Variants in LDLRAD3 observed in about 807,000 individuals in gnomAD.
LDLRAD3 encodes low-density lipoprotein receptor class A domain-containing protein 3.
LDLRAD3 carries 20 observed loss-of-function variants against 29.4 expected under a neutral mutation model. The ratio of observed to expected loss-of-function variants is 0.68; its 90% CI spans 0.48 to 0.99. The LOEUF is 0.99. Ranked by LOEUF, LDLRAD3 falls within the 50% of genes least tolerant of loss-of-function variation. The pLI is 0.00. For missense variants in LDLRAD3, 420 were observed against 454.3 expected, an observed-to-expected ratio of 0.92 and a Z score of 0.69; for synonymous variants, 157 against 192.7, an observed-to-expected ratio of 0.81 and a Z score of 1.53.
At chr11:36,131,242 C>T (rs955634326) in intron 4 of LDLRAD3, among the ~76,000 whole-genome samples, 1 of 152,218 alleles carries the variant, frequency 6.6e-6, no homozygotes, top group Admixed American at 6.5e-5. Context: ...TGCCTTTCCA[C>T]GCAAATGAAT....
intron 1 of LDLRAD3, among the ~76,000 whole-genome samples, chr11:36,013,383 G>A (rs1851979012): frequency 6.6e-6 from 1 of 152,034 alleles, no homozygotes; most frequent in Non-Finnish European, 1.5e-5. Flanking sequence ...GTGGTTTGCT[G>A]CACCTGTCTA....
chr11:36,183,622 A>C (rs957466145), intron 4 of LDLRAD3, among the ~76,000 whole-genome samples: 1 of 152,182 alleles, frequency 6.6e-6, no homozygotes, highest in African/African-American at 2.4e-5. Flanking sequence ...CTAATATTGC[A>C]TGTTCCTGGG....
intron 1 of LDLRAD3, among the ~76,000 whole-genome samples, chr11:35,984,735 G>A (rs910959844): frequency 2.6e-5 from 4 of 152,132 alleles, no homozygotes; most frequent in South Asian, 4.1e-4. Context: ...GGGGTCAAGC[G>A]ATTCTCCTGC....
chr11:36,151,834 G>C (rs576308614), intron 4 of LDLRAD3, among the ~76,000 whole-genome samples: 1 of 152,242 alleles, frequency 6.6e-6, no homozygotes, highest in African/African-American at 2.4e-5. Context: ...GTTCCTCCCA[G>C]CCCACTGAGT....
At chr11:36,209,667 T>A (rs1855257846) in intron 4 of LDLRAD3, among the ~76,000 whole-genome samples, 1 of 152,198 alleles carries the variant, frequency 6.6e-6, no homozygotes, top group African/African-American at 2.4e-5. Context: ...CAAACTGTAC[T>A]ATTTTTGCAA....
chr11:36,037,159 A>G (rs1436040459), intron 2 of LDLRAD3, among the ~76,000 whole-genome samples: 1 of 152,132 alleles, frequency 6.6e-6, no homozygotes, highest in Non-Finnish European at 1.5e-5. Context: ...GATTGCCTTG[A>G]GACCACATGA....
At chr11:36,142,576 T>A (rs1854101203) in intron 4 of LDLRAD3, among the ~76,000 whole-genome samples, 1 of 152,136 alleles carries the variant, frequency 6.6e-6, no homozygotes, top group South Asian at 2.1e-4. Flanking sequence ...GAACCCACTG[T>A]CTGGTTCCCG....
At chr11:36,116,811 C>T (rs1853681174) in intron 4 of LDLRAD3, among the ~76,000 whole-genome samples, 1 of 151,314 alleles carries the variant, frequency 6.6e-6, no homozygotes, top group Admixed American at 6.6e-5. Flanking sequence ...CTTGCCTTGT[C>T]ATTGCCTGAG....
chr11:36,167,861 C>T (rs187925074), intron 4 of LDLRAD3, among the ~76,000 whole-genome samples: 19 of 152,302 alleles, frequency 1.2e-4, no homozygotes, highest in Admixed American at 1.2e-3. Flanking sequence ...AGCCAGAATG[C>T]TTGACTTTTC....
chr11:36,041,167 C>T (rs1353547070), intron 2 of LDLRAD3, among the ~76,000 whole-genome samples: 3 of 152,146 alleles, frequency 2.0e-5, no homozygotes, highest in African/African-American at 7.2e-5. Context: ...TTTACAAAAA[C>T]GAGGAAGCTC....
At chr11:36,194,933 T>C (rs1018655772) in intron 4 of LDLRAD3, among the ~76,000 whole-genome samples, 2 of 152,162 alleles carry the variant, frequency 1.3e-5, no homozygotes, top group Non-Finnish European at 2.9e-5. Context: ...CTAAAATAAT[T>C]AACAGAATGG....
At chr11:36,144,551 G>T (rs1377231151) in intron 4 of LDLRAD3, among the ~76,000 whole-genome samples, 2 of 150,868 alleles carry the variant, frequency 1.3e-5, no homozygotes, top group South Asian at 4.2e-4. Flanking sequence ...GCCCCGTCTG[G>T]GATGTGAGGA....
At chr11:36,056,271 G>A (rs1565190481) in intron 2 of LDLRAD3, among the ~76,000 whole-genome samples, 2 of 152,272 alleles carry the variant, frequency 1.3e-5, no homozygotes, top group East Asian at 3.9e-4. Flanking sequence ...GGGTTTACAG[G>A]TGTGAGCCAC....
intron 4 of LDLRAD3, among the ~76,000 whole-genome samples, chr11:36,108,158 T>C (rs759965248): frequency 5.9e-5 from 9 of 151,388 alleles, no homozygotes; most frequent in Non-Finnish European, 1.2e-4. Flanking sequence ...CTACTAAAAA[T>C]ACAAAAACAA....
At chr11:36,115,992 C>G (rs1853668808) in intron 4 of LDLRAD3, among the ~76,000 whole-genome samples, 1 of 152,174 alleles carries the variant, frequency 6.6e-6, no homozygotes. Context: ...ATAGGTCAGG[C>G]AACAGCTGTA....
At chr11:36,203,434 C>A (rs1207761635) in intron 4 of LDLRAD3, among the ~76,000 whole-genome samples, 1 of 152,172 alleles carries the variant, frequency 6.6e-6, no homozygotes, top group Non-Finnish European at 1.5e-5. Context: ...AGACATGGGT[C>A]TGTCAGCCTC....
At chr11:36,065,795 G>A (rs1852781806) in intron 2 of LDLRAD3, among the ~76,000 whole-genome samples, 1 of 152,124 alleles carries the variant, frequency 6.6e-6, no homozygotes, top group African/African-American at 2.4e-5. Context: ...TCTGCCCTTT[G>A]CAGGTGTTTT....
chr11:36,161,306 C>T (rs1411884281), intron 4 of LDLRAD3, among the ~76,000 whole-genome samples: 1 of 152,178 alleles, frequency 6.6e-6, no homozygotes, highest in Admixed American at 6.5e-5. Context: ...ATCTATAATA[C>T]TATCCCCATT....
intron 2 of LDLRAD3, among the ~76,000 whole-genome samples, chr11:36,061,083 T>A (rs1852691141): frequency 6.6e-6 from 1 of 152,184 alleles, no homozygotes; most frequent in Non-Finnish European, 1.5e-5. Context: ...GAACACACAA[T>A]AAACATTTAG....
Sources: allele counts gnomAD v4.1 joint callset (sites outside exome capture counted in the v4.1 genomes callset), GRCh38; gene constraint gnomAD v4.1.1; transcripts MANE v1.5; gene names NCBI Gene and HGNC (gene_info 2026-07-23, HGNC 2026-07-21).